CAST: variants seen among roughly 807,000 people sequenced by gnomAD.
CAST encodes calpastatin, also known as MIR583 host.
Under a neutral mutation model 119.6 loss-of-function variants are expected in CAST, and 76 were observed. The ratio of observed to expected loss-of-function variants is 0.64; its 90% confidence interval spans 0.53 to 0.77. The LOEUF (loss-of-function observed/expected upper bound fraction) is 0.77, where lower values mean the gene tolerates loss of function less well. Ranked by LOEUF, CAST falls within the 30% of genes least tolerant of loss-of-function variation. The pLI is 0.00. For missense variants in CAST, 953 were observed against 946.5 expected (o/e 1.01, Z -0.09); for synonymous variants, 319 against 331.6 (o/e 0.96, Z 0.41).
chr5:96,015,500 T>G, the CAST span, among the ~76,000 whole-genome samples: 1 of 151,864 alleles, frequency 6.6e-6, no homozygotes, highest in Non-Finnish European at 1.5e-5. Context: ...TTGGTACAAT[T>G]TTTTTTAATC....
chr5:96,572,315 T>C (rs1291182653), intron 1 of CAST, among the ~76,000 whole-genome samples: 2 of 152,038 alleles, frequency 1.3e-5, no homozygotes, highest in Non-Finnish European at 2.9e-5. Flanking sequence ...ATTCTCCTAC[T>C]TCAGCCTCCC....
intron 2 of CAST, among the ~76,000 whole-genome samples, chr5:96,684,791 A>C (rs1034025686): frequency 3.3e-5 from 5 of 152,128 alleles, no homozygotes; most frequent in Non-Finnish European, 5.9e-5. Context: ...GCTAGTCTCG[A>C]ACTCCTGACC....
the CAST span, among the ~76,000 whole-genome samples, chr5:96,142,682 A>G: frequency 0.016 from 2,466 of 152,190 alleles, 56 homozygotes; most frequent in African/African-American, 0.056. Context: ...TCTTTAATCT[A>G]CTCACATGAG....
chr5:96,583,506 T>C (rs1746801679), intron 1 of CAST, among the ~76,000 whole-genome samples: 1 of 152,314 alleles, frequency 6.6e-6, no homozygotes, highest in African/African-American at 2.4e-5. Context: ...AATTTCGAAG[T>C]TCTGGCTCAG....
chr5:96,747,405 AT>A lies in CAST; in HGVS notation c.1332+20del. On this transcript the variant is annotated intron_variant, in intron 18 of 31. Coordinates refer to ENST00000675179, the MANE Select transcript of CAST (RefSeq NM_001750.7). Reference sequence around the variant, plus strand: ...AGAAAAACCCAAGGTTAGGAAATACATTTTTTTCTGATACTTAAAGAACAAT... The same window carrying A: ...AGAAAAACCCAAGGTTAGGAAATACATTTTTTCTGATACTTAAAGAACAAT... The A allele has an allele frequency of 9.8e-6, 15 of 1,537,422 alleles. No individual in the cohort carries two copies. Among genetic ancestry groups the A allele is most frequent in the South Asian group, 2.2e-5 (2 of 89,068 alleles).
chr5:96,762,886 G>GT (rs1768491781), intron 25 of CAST: 1 of 415,146 alleles, frequency 2.4e-6, no homozygotes, highest in African/African-American at 2.0e-5. Context: ...CATACTAGCA[G>GT]TAGAAGAACC....
At chr5:96,458,986 G>A in the CAST span, among the ~76,000 whole-genome samples, 14 of 152,092 alleles carry the variant, frequency 9.2e-5, no homozygotes, top group Admixed American at 2.0e-4. Flanking sequence ...TAGTTTTAAC[G>A]TCCTTGAAGA....
At chr5:96,614,670 C>T (rs934087311) in intron 1 of CAST, among the ~76,000 whole-genome samples, 1 of 152,158 alleles carries the variant, frequency 6.6e-6, no homozygotes, top group African/African-American at 2.4e-5. Context: ...GCCAGGGACC[C>T]ACCTCCATCC....
the CAST span, among the ~76,000 whole-genome samples, chr5:96,270,492 C>T: frequency 6.6e-6 from 1 of 152,078 alleles, no homozygotes; most frequent in Non-Finnish European, 1.5e-5. Context: ...CTTAGAAAAA[C>T]CTAAAGACTT....
At chr5:96,768,170 G>A (rs1260039733) in intron 29 of CAST, among the ~76,000 whole-genome samples, 171 bp downstream of exon 29, 1 of 152,164 alleles carries the variant, frequency 6.6e-6, no homozygotes, top group East Asian at 1.9e-4. Context: ...TGCGATCTCT[G>A]CTTCCTGGGC....
chr5:96,691,680 A>G (rs1752743243), intron 2 of CAST, among the ~76,000 whole-genome samples: 1 of 152,228 alleles, frequency 6.6e-6, no homozygotes, highest in Non-Finnish European at 1.5e-5. Flanking sequence ...CTTCCGAGGT[A>G]TGAGCAGAGT....
the CAST span, among the ~76,000 whole-genome samples, chr5:96,329,154 G>T: frequency 1.3e-5 from 2 of 152,148 alleles, no homozygotes; most frequent in Non-Finnish European, 2.9e-5. Flanking sequence ...TGAGGGTCCA[G>T]TGGAGACCCT....
At position 96,695,864 on chromosome 5, in the gene CAST, A is replaced by C; in HGVS notation, c.167A>C (p.Gln56Pro). 1 of 1,613,326 alleles carries C rather than the reference A, an allele frequency of 6.2e-7. No homozygotes were observed. The highest frequency in any genetic ancestry group is 8.5e-7 in the Non-Finnish European group (1 of 1,179,478). The change falls in exon 3 of 32, where the codon CAA becomes CCA. Residue 56 changes from glutamine (Q) to proline (P), a missense_variant. By Grantham distance (76) the Gln-to-Pro change is moderately conservative. Coordinates refer to ENST00000675179, the MANE Select transcript of CAST (RefSeq NM_001750.7). ...AAAGCAGCAAGCCTCGGCAGCAGTC[A>C]ATCCTCCAGAACCTATGCTGGTGGA... The part of the protein sequence containing the change: ...EKKAASLGSS[Q>P]SSRTYAGGTA...
At chr5:96,225,456 C>A in the CAST span, among the ~76,000 whole-genome samples, 2 of 151,984 alleles carry the variant, frequency 1.3e-5, no homozygotes, top group African/African-American at 2.4e-5. Context: ...TAAAAACACA[C>A]AAAGATCATA....
At chr5:96,410,383 C>T in the CAST span, among the ~76,000 whole-genome samples, 3 of 152,006 alleles carry the variant, frequency 2.0e-5, no homozygotes, top group Admixed American at 2.0e-4. Context: ...GCAGGTCAGA[C>T]TATATCCCTG....
chr5:96,483,559 T>C, the CAST span, among the ~76,000 whole-genome samples: 5 of 152,232 alleles, frequency 3.3e-5, no homozygotes, highest in African/African-American at 1.2e-4. Flanking sequence ...AAAGAATTAT[T>C]CTGACTTTTT....
the CAST span, among the ~76,000 whole-genome samples, chr5:96,383,376 T>A: frequency 6.6e-6 from 1 of 152,176 alleles, no homozygotes; most frequent in African/African-American, 2.4e-5. Flanking sequence ...GGCAGGGAGA[T>A]GACATGGAGC....
the CAST span, among the ~76,000 whole-genome samples, chr5:96,464,093 A>G: frequency 1.1e-4 from 16 of 152,030 alleles, no homozygotes; most frequent in Non-Finnish European, 1.9e-4. Context: ...TTTTCTGGGA[A>G]GACTAGGTCT....
the CAST span, among the ~76,000 whole-genome samples, chr5:96,503,806 A>G: frequency 6.6e-6 from 1 of 151,750 alleles, no homozygotes; most frequent in African/African-American, 2.4e-5. Context: ...CAACACCTCC[A>G]CCCTTTTAGT....
Sources: allele counts gnomAD v4.1 joint callset (sites outside exome capture counted in the v4.1 genomes callset), GRCh38; gene constraint gnomAD v4.1.1; transcripts MANE v1.5; gene names NCBI Gene and HGNC (gene_info 2026-07-23, HGNC 2026-07-21).